Variants in AOPEP observed in about 807,000 individuals in gnomAD.
AOPEP encodes aminopeptidase O (putative).
In AOPEP, 77 loss-of-function variants were observed where a neutral mutation model predicts 98.1. The ratio of observed to expected loss-of-function variants is 0.78; its 90% CI spans 0.65 to 0.95. The LOEUF (loss-of-function observed/expected upper bound fraction) is 0.95. AOPEP is among the 40% of genes least tolerant of loss of function. The pLI is 0.00. For missense variants in AOPEP, 1,024 were observed against 1,024.7 expected, an observed-to-expected ratio of 1.00 and a Z score of 0.01; for synonymous variants, 346 against 365.3, an observed-to-expected ratio of 0.95 and a Z score of 0.60.
chr9:94,731,416 T>C (rs1055938136), intron 1 of AOPEP, among the ~76,000 whole-genome samples: 2 of 152,008 alleles, frequency 1.3e-5, no homozygotes, highest in Non-Finnish European at 2.9e-5. Flanking sequence ...TTAGTAGAGA[T>C]GGGGTTTCAC....
At chr9:95,111,224 C>T in the AOPEP span, 23 of 1,536,598 alleles carry the variant, frequency 1.5e-5, no homozygotes, top group Middle Eastern at 1.7e-4. Flanking sequence ...GAAGGGTCTT[C>T]GTTTTGCAGG....
chr9:94,800,820 C>G lies in AOPEP; in HGVS notation c.1182C>G (p.Thr394=). ...GCTTCCAGAATGCTTCTGCCACCAC[C>G]CAGGAGATCATTCCTCATCGGGTCT... The part of the protein sequence containing the change: ...PCRFQNASAT[T]QEIIPHRVFA... Residue 394 remains threonine, a synonymous_variant, in exon 5 of 17, where the codon ACC becomes ACG. Coordinates refer to ENST00000375315, the MANE Select transcript of AOPEP (RefSeq NM_001193329.3). 1 of 1,614,208 alleles carries G rather than the reference C, an allele frequency of 6.2e-7. No homozygotes were observed. Among genetic ancestry groups the G allele is most frequent in the Non-Finnish European group, 8.5e-7 (1 of 1,180,030 alleles).
chr9:94,979,236 G>C, intron 10 of AOPEP, 131 bp from the exon 11 acceptor site: 2 of 598,804 alleles, frequency 3.3e-6, no homozygotes, highest in South Asian at 4.4e-5. Context: ...GGGGAGCGCT[G>C]CCCTTTCTGT....
At chr9:95,028,851 G>A (rs1486386974) in intron 13 of AOPEP, among the ~76,000 whole-genome samples, 1 of 152,190 alleles carries the variant, frequency 6.6e-6, no homozygotes, top group Non-Finnish European at 1.5e-5. Context: ...ATAGAGCATT[G>A]TATTAGAATT....
chr9:94,868,729 AG>A (rs2045980773), intron 5 of AOPEP, among the ~76,000 whole-genome samples: 1 of 152,258 alleles, frequency 6.6e-6, no homozygotes, highest in African/African-American at 2.4e-5. Context: ...ATGCAGTGGA[AG>A]CTCCCTATGT....
intron 5 of AOPEP, among the ~76,000 whole-genome samples, chr9:94,908,689 T>A (rs1446040266): frequency 6.6e-6 from 1 of 152,070 alleles, no homozygotes; most frequent in Non-Finnish European, 1.5e-5. Flanking sequence ...AGACCTCCCA[T>A]AAACCCCCAG....
chr9:94,763,673 T>C (rs773548935), intron 2 of AOPEP, among the ~76,000 whole-genome samples: 4 of 152,134 alleles, frequency 2.6e-5, no homozygotes, highest in Non-Finnish European at 5.9e-5. Flanking sequence ...CTGGAGCATC[T>C]TGTAATGTCA....
the AOPEP span, among the ~76,000 whole-genome samples, chr9:95,125,995 G>A: frequency 2.0e-5 from 3 of 152,144 alleles, no homozygotes; most frequent in African/African-American, 4.8e-5. Context: ...TGAGCTCCTC[G>A]TCTCTTGCCG....
rs546147489 is a variant in AOPEP, at chr9:95,017,527, T to C, written c.2115+11911T>C. 2.6e-5 allele frequency among the ~76,000 whole-genome samples: 4 copies of C among 152,376 alleles called. 1 individual carries two copies. In the South Asian group the frequency reaches 6.2e-4, roughly 24 times the overall value. ...CCCATCGTTGACTGAAATGTCGTTATGCAGCGTGTGGCTCTACCTTCAACA... is the reference window on the plus strand; with the variant it reads ...CCCATCGTTGACTGAAATGTCGTTACGCAGCGTGTGGCTCTACCTTCAACA... On this transcript the variant is annotated intron_variant, in intron 13 of 16. Coordinates refer to ENST00000375315, the MANE Select transcript of AOPEP (RefSeq NM_001193329.3).
intron 10 of AOPEP, among the ~76,000 whole-genome samples, chr9:94,974,116 T>A (rs1193586656): frequency 1.3e-5 from 2 of 152,244 alleles, no homozygotes; most frequent in African/African-American, 4.8e-5. Context: ...TTCTGCAACA[T>A]ATTAGTCCAT....
chr9:94,850,439 C>T (rs2043410676), intron 5 of AOPEP, among the ~76,000 whole-genome samples: 1 of 152,126 alleles, frequency 6.6e-6, no homozygotes, highest in Non-Finnish European at 1.5e-5. Context: ...TCATAATGTG[C>T]ACATATGCCA....
At chr9:94,878,436 C>T (rs2047214842) in intron 5 of AOPEP, among the ~76,000 whole-genome samples, 1 of 151,428 alleles carries the variant, frequency 6.6e-6, no homozygotes, top group African/African-American at 2.4e-5. Flanking sequence ...CAGTCTTCCT[C>T]TGATGTTATT....
At chr9:95,140,842 T>C in the AOPEP span, among the ~76,000 whole-genome samples, 1 of 152,148 alleles carries the variant, frequency 6.6e-6, no homozygotes, top group Admixed American at 6.5e-5. Flanking sequence ...CATTATCATC[T>C]GCATGTACAG....
chr9:94,899,149 A>G (rs1467662145), intron 5 of AOPEP, among the ~76,000 whole-genome samples: 2 of 141,164 alleles, frequency 1.4e-5, no homozygotes, highest in African/African-American at 2.6e-5. Flanking sequence ...GACTGATGGG[A>G]GGAGGGAAGA....
chr9:94,941,974 C>T (rs941992430), intron 7 of AOPEP, among the ~76,000 whole-genome samples: 2 of 152,058 alleles, frequency 1.3e-5, no homozygotes, highest in African/African-American at 4.8e-5. Context: ...AGTCCCTTAC[C>T]CAAAGATAAT....
At chr9:94,988,011 C>T (rs1330381041) in intron 11 of AOPEP, among the ~76,000 whole-genome samples, 2 of 152,140 alleles carry the variant, frequency 1.3e-5, no homozygotes, top group African/African-American at 4.8e-5. Flanking sequence ...CATGCTTTTC[C>T]CCTCTGTGCA....
At chr9:95,127,930 A>G in the AOPEP span, among the ~76,000 whole-genome samples, 2 of 152,224 alleles carry the variant, frequency 1.3e-5, no homozygotes, top group African/African-American at 4.8e-5. Context: ...CTAATTTGCA[A>G]GTTAAAATGT....
At position 94,840,888 on chromosome 9, in the gene AOPEP, C is replaced by T. The variant is rs868723119; in HGVS notation, c.1364+39886C>T. ...TTCTTTTTCTCTTTGTTTCTTTGTC[C>T]ATCTGGCTAGAGGTTTGTCACTTTT... On this transcript the variant is annotated intron_variant, in intron 5 of 16. Transcript: ENST00000375315. Among the ~76,000 whole-genome samples, 68 of 152,048 alleles carry T rather than the reference C, an allele frequency of 4.5e-4. 1 individual carries two copies. Among genetic ancestry groups the T allele is most frequent in the Middle Eastern group, 3.4e-3 (1 of 294 alleles).
rs1055006547 is a variant in AOPEP, at chr9:94,909,171, C to T, written c.1365-14815C>T. ...GGAGCTGTGACTCAGGCCTGTTCTCCGAAGGGGTGAGGTGATGGCTATTAA... is the reference window on the plus strand; with the variant it reads ...GGAGCTGTGACTCAGGCCTGTTCTCTGAAGGGGTGAGGTGATGGCTATTAA... On this transcript the variant is annotated intron_variant, in intron 5 of 16. Coordinates refer to ENST00000375315, the MANE Select transcript of AOPEP (RefSeq NM_001193329.3). 1.5e-4 allele frequency among the ~76,000 whole-genome samples: 23 copies of T among 151,844 alleles called. 1 individual carries two copies. The highest frequency in any genetic ancestry group is 2.6e-4 in the Admixed American group (4 of 15,250).
Sources: allele counts gnomAD v4.1 joint callset (sites outside exome capture counted in the v4.1 genomes callset), GRCh38; gene constraint gnomAD v4.1.1; transcripts MANE v1.5; gene names NCBI Gene and HGNC (gene_info 2026-07-23, HGNC 2026-07-21).